ZBTB20: variants seen among roughly 807,000 people sequenced by gnomAD.
ZBTB20 encodes zinc finger and BTB domain containing 20, also known as zinc finger and BTB domain-containing protein 20.
In ZBTB20, 9 loss-of-function variants were observed where a neutral mutation model predicts 56.9. The ratio of observed to expected loss-of-function variants is 0.16; its 90% CI spans 0.10 to 0.28. ZBTB20 has a LOEUF of 0.28. Ranked by LOEUF, ZBTB20 falls within the 10% of genes least tolerant of loss-of-function variation. The pLI is 1.00. For missense variants in ZBTB20, 655 were observed against 1,003.0 expected (o/e 0.65, Z 4.69); for synonymous variants, 417 against 420.7 (o/e 0.99, Z 0.11).
Position 114,858,156 on chromosome 3 carries a change from T to C in ZBTB20, c.-417+42148A>G, listed in dbSNP as rs74440658. ...TCTATTAATCTCAGCTTAATTATAT[T>C]AGGCATTTTTCACTTGCATACAACA... On this transcript the variant is annotated intron_variant, in intron 4 of 11. Transcript: ENST00000675478. 3.3e-5 allele frequency among the ~76,000 whole-genome samples: 5 copies of C among 152,302 alleles called. No individual in the cohort carries two copies. The East Asian group carries it at 9.6e-4, about 29-fold the overall frequency.
At chr3:114,822,826 A>G (rs972469044) in intron 4 of ZBTB20, among the ~76,000 whole-genome samples, 1 of 152,120 alleles carries the variant, frequency 6.6e-6, no homozygotes, top group African/African-American at 2.4e-5. Context: ...TGAGACTTCT[A>G]CAAGTAGAAT....
chr3:114,705,788 C>T (rs1037615864), intron 5 of ZBTB20, among the ~76,000 whole-genome samples: 1 of 152,176 alleles, frequency 6.6e-6, no homozygotes, highest in Non-Finnish European at 1.5e-5. Flanking sequence ...TAACCCAGAA[C>T]CCAGCACTGG....
At chr3:115,085,416 C>G (rs2082950203) in intron 1 of ZBTB20, among the ~76,000 whole-genome samples, 1 of 151,952 alleles carries the variant, frequency 6.6e-6, no homozygotes, top group Admixed American at 6.6e-5. Context: ...TTGGAAACTG[C>G]ATTAACTCTT....
chr3:114,622,822 T>C (rs1159246147), intron 6 of ZBTB20, among the ~76,000 whole-genome samples: 2 of 152,202 alleles, frequency 1.3e-5, no homozygotes, highest in African/African-American at 2.4e-5. Context: ...ACTGGCAATG[T>C]GTTAACAGCA....
intron 4 of ZBTB20, among the ~76,000 whole-genome samples, chr3:114,868,875 G>T (rs949595138): frequency 3.9e-5 from 6 of 152,050 alleles, no homozygotes. Context: ...GGGAAGAGGG[G>T]AAAGGAGAGA....
intron 6 of ZBTB20, among the ~76,000 whole-genome samples, chr3:114,509,068 A>T (rs1256556107): frequency 6.6e-6 from 1 of 152,156 alleles, no homozygotes; most frequent in African/African-American, 2.4e-5. Flanking sequence ...CAGCAACTTG[A>T]ATTTTGAAAA....
At chr3:114,767,561 G>A (rs2068869597) in intron 5 of ZBTB20, among the ~76,000 whole-genome samples, 1 of 151,390 alleles carries the variant, frequency 6.6e-6, no homozygotes. Context: ...AAGGAAGTGA[G>A]GGAGAAAGGA....
chr3:114,338,108 CAA>C lies in ZBTB20; in HGVS notation c.*895_*896del, dbSNP rs1314387904. The C allele has an allele frequency of 7.5e-6, 1 of 132,668 alleles. No homozygotes were observed. The highest frequency in any genetic ancestry group is 1.6e-5 in the Non-Finnish European group (1 of 61,374). The allele number at this position is 132,668 out of a possible 1,614,324, so 8.2% of individuals were successfully genotyped here. On this transcript the variant is annotated 3_prime_UTR_variant, in exon 12 of 12. Coordinates refer to ENST00000675478, the MANE Select transcript of ZBTB20 (RefSeq NM_001348800.3). ...TATCCTGACACTTTTTTTTTTTTTG[CAA>C]AGATTGTTGGAAATAATCCTTCTCT...
rs56209585 is a variant in ZBTB20, at chr3:114,839,696, G to A, written c.-416-38522C>T. 9.5e-3 allele frequency among the ~76,000 whole-genome samples: 1,442 copies of A among 152,244 alleles called. 19 individuals carry two copies. The highest frequency in any genetic ancestry group is 0.014 in the Non-Finnish European group (978 of 68,026). ...ATGAGGTTAAGGATTTCTAGATGAG[G>A]TAATCCTGGATTGCCCAGGGAAGCC... On this transcript the variant is annotated intron_variant, in intron 4 of 11. Coordinates refer to ENST00000675478, the MANE Select transcript of ZBTB20 (RefSeq NM_001348800.3).
chr3:114,650,917 T>G (rs961397582), intron 6 of ZBTB20, among the ~76,000 whole-genome samples: 7 of 152,010 alleles, frequency 4.6e-5, no homozygotes, highest in African/African-American at 1.7e-4. Flanking sequence ...TACAATATCA[T>G]TTATCATTTT....
chr3:114,917,981 G>A (rs910506706), intron 3 of ZBTB20, among the ~76,000 whole-genome samples: 6 of 149,664 alleles, frequency 4.0e-5, no homozygotes, highest in Non-Finnish European at 7.4e-5. Flanking sequence ...GAATGCCCCC[G>A]GCCCCAGATG....
At chr3:114,950,951 T>A (rs927452074) in intron 3 of ZBTB20, among the ~76,000 whole-genome samples, 3 of 152,110 alleles carry the variant, frequency 2.0e-5, no homozygotes, top group African/African-American at 7.2e-5. Flanking sequence ...GAAGAATATA[T>A]AATCACATGA....
chr3:114,421,921 T>A (rs146494999), intron 7 of ZBTB20, among the ~76,000 whole-genome samples: 1 of 151,864 alleles, frequency 6.6e-6, no homozygotes, highest in African/African-American at 2.4e-5. Context: ...TCACTCAACA[T>A]CACTTTGTTT....
chr3:114,750,407 T>C (rs1004716446), intron 5 of ZBTB20, among the ~76,000 whole-genome samples: 1 of 151,844 alleles, frequency 6.6e-6, no homozygotes, highest in African/African-American at 2.4e-5. Flanking sequence ...TCTAAAGCAA[T>C]AGGTAAAGAA....
intron 2 of ZBTB20, among the ~76,000 whole-genome samples, chr3:114,978,416 TTAAA>T (rs925316088): frequency 6.6e-6 from 1 of 151,022 alleles, no homozygotes; most frequent in Non-Finnish European, 1.5e-5. Flanking sequence ...GAAATGCAAA[TTAAA>T]TAAACTAAAA....
At chr3:114,869,281 T>C (rs1433109921) in intron 4 of ZBTB20, among the ~76,000 whole-genome samples, 1 of 152,196 alleles carries the variant, frequency 6.6e-6, no homozygotes, top group East Asian at 1.9e-4. Context: ...CAAGTTCTGC[T>C]AATGTAAACC....
At chr3:114,692,133 G>A (rs1040959178) in intron 6 of ZBTB20, among the ~76,000 whole-genome samples, 14 of 152,116 alleles carry the variant, frequency 9.2e-5, no homozygotes, top group African/African-American at 3.4e-4. Context: ...CAGCAAAAGC[G>A]TGAAATTCAG....
intron 3 of ZBTB20, among the ~76,000 whole-genome samples, chr3:114,903,828 C>A (rs961475262): frequency 6.6e-6 from 1 of 151,910 alleles, no homozygotes; most frequent in Non-Finnish European, 1.5e-5. Context: ...TTTATGTATT[C>A]TAAGGAGATC....
chr3:114,817,524 T>TAAATAAAA, intron 4 of ZBTB20, among the ~76,000 whole-genome samples: 1 of 12,272 alleles, frequency 8.1e-5, no homozygotes. Context: ...GTCTCAAAAA[T>TAAATAAAA]AAATAAATAA....
Sources: gnomAD v4.1 joint callset for allele counts (sites outside exome capture counted in the v4.1 genomes callset) on GRCh38, gnomAD v4.1.1 for gene constraint, MANE v1.5 for transcripts, NCBI Gene and HGNC (gene_info 2026-07-23, HGNC 2026-07-21) for gene names.